NMNAT2: variants seen among roughly 807,000 people sequenced by gnomAD.
The protein encoded by NMNAT2 is nicotinamide/nicotinic acid mononucleotide adenylyltransferase 2.
NMNAT2 carries 11 observed loss-of-function variants against 41.6 expected under a neutral mutation model. That is an observed-to-expected ratio of 0.26 (90% CI 0.17 to 0.44). The LOEUF is 0.44. Ranked by LOEUF, NMNAT2 falls within the 20% of genes least tolerant of loss-of-function variation. The pLI, the probability that NMNAT2 is intolerant of heterozygous loss-of-function variation, is 1.00. For synonymous variants in NMNAT2, 148 were observed against 151.2 expected, an observed-to-expected ratio of 0.98 and a Z score of 0.16; for missense variants, 288 against 407.7, an observed-to-expected ratio of 0.71 and a Z score of 2.53.
chr1:183,273,353 C>A (rs892069971), intron 8 of NMNAT2, among the ~76,000 whole-genome samples: 5 of 152,200 alleles, frequency 3.3e-5, no homozygotes, highest in Non-Finnish European at 7.3e-5. Context: ...GGTCTCCAAG[C>A]AAAGTCTGTG....
chr1:183,311,787 G>GTAAA (rs1237452182), intron 1 of NMNAT2, among the ~76,000 whole-genome samples: 1 of 150,424 alleles, frequency 6.6e-6, no homozygotes, highest in Non-Finnish European at 1.5e-5. Flanking sequence ...TCTGCCCAGT[G>GTAAA]TAAACCATGT....
intron 1 of NMNAT2, among the ~76,000 whole-genome samples, chr1:183,396,714 C>T (rs557968133): frequency 3.3e-5 from 5 of 152,160 alleles, no homozygotes; most frequent in Admixed American, 6.5e-5. Context: ...CACATTTGAT[C>T]TCTCAAGTCA....
chr1:183,365,256 CT>C (rs1205879935), intron 1 of NMNAT2, among the ~76,000 whole-genome samples: 4 of 152,066 alleles, frequency 2.6e-5, no homozygotes, highest in African/African-American at 9.6e-5. Flanking sequence ...GCTTTTCTTT[CT>C]CAGTGGTCGG....
intron 1 of NMNAT2, among the ~76,000 whole-genome samples, chr1:183,303,111 C>T (rs1050777654): frequency 6.6e-6 from 1 of 152,184 alleles, no homozygotes. Context: ...TCTCTAAGCC[C>T]TACTGAAGCC....
At chr1:183,372,248 A>G (rs1663562426) in intron 1 of NMNAT2, among the ~76,000 whole-genome samples, 1 of 152,216 alleles carries the variant, frequency 6.6e-6, no homozygotes, top group Non-Finnish European at 1.5e-5. Flanking sequence ...TTGGCTAGTG[A>G]AAAAAATTAG....
At position 183,253,726 on chromosome 1, in the gene NMNAT2, C is replaced by T. The variant is rs558404055; in HGVS notation, c.822-983G>A. On this transcript the variant is annotated intron_variant, in intron 10 of 10. Coordinates refer to ENST00000287713, the MANE Select transcript of NMNAT2 (RefSeq NM_015039.4). ...CACTTTCAGCCCTCCACACTTGACC[C>T]TGGTAATCATTGTTTTATTCTCTAT... Among the ~76,000 whole-genome samples, 4 of 152,192 alleles carry T rather than the reference C, an allele frequency of 2.6e-5. No individual in the cohort carries two copies. The South Asian group carries it at 8.3e-4, about 32-fold the overall frequency.
intron 1 of NMNAT2, among the ~76,000 whole-genome samples, chr1:183,410,229 A>C (rs1649079757): frequency 6.6e-6 from 1 of 151,798 alleles, no homozygotes; most frequent in Non-Finnish European, 1.5e-5. Context: ...AGGCTGAGGC[A>C]TGAGAATCAC....
chr1:183,393,188 A>G (rs1648530843), intron 1 of NMNAT2, among the ~76,000 whole-genome samples: 1 of 152,218 alleles, frequency 6.6e-6, no homozygotes, highest in Non-Finnish European at 1.5e-5. Context: ...TATCAAGATT[A>G]TATAACTTCA....
intron 1 of NMNAT2, among the ~76,000 whole-genome samples, chr1:183,403,232 C>A (rs574707067): frequency 1.3e-5 from 2 of 152,274 alleles, no homozygotes; most frequent in African/African-American, 4.8e-5. Context: ...CTGCACCCGG[C>A]CAAACAACAT....
chr1:183,284,089 AC>A, intron 6 of NMNAT2, 50 bp from the exon 7 acceptor site: 1 of 1,526,654 alleles, frequency 6.6e-7, no homozygotes. Context: ...GCTTCCTGGT[AC>A]CCAACACACA....
intron 1 of NMNAT2, among the ~76,000 whole-genome samples, chr1:183,376,246 T>G (rs1051795409): frequency 6.6e-6 from 1 of 152,162 alleles, no homozygotes; most frequent in African/African-American, 2.4e-5. Flanking sequence ...GAGAACCTAT[T>G]AAGTGGGTCA....
intron 1 of NMNAT2, among the ~76,000 whole-genome samples, chr1:183,412,303 A>G (rs939267604): frequency 5.3e-5 from 8 of 152,356 alleles, no homozygotes; most frequent in African/African-American, 1.9e-4. Context: ...AGCTCACTGC[A>G]ACCTCCGCCT....
At position 183,313,237 on chromosome 1, in the gene NMNAT2, G is replaced by A. The variant is rs542178728; in HGVS notation, c.86-19444C>T. On this transcript the variant is annotated intron_variant, in intron 1 of 10. Coordinates refer to ENST00000287713, the MANE Select transcript of NMNAT2 (RefSeq NM_015039.4). ...TTAAAATACTTGTGATTTAAAGCAG[G>A]ACAAACCTGAAGAATCCAGCATGCC... Among the ~76,000 whole-genome samples the A allele has an allele frequency of 1.2e-4, 18 of 152,252 alleles. 1 individual carries two copies. The South Asian group carries it at 3.5e-3, about 30-fold the overall frequency.
intron 1 of NMNAT2, among the ~76,000 whole-genome samples, chr1:183,370,223 T>TACACACACACACACACAC (rs57569629): frequency 2.7e-5 from 3 of 112,734 alleles, no homozygotes; most frequent in Non-Finnish European, 3.7e-5. Context: ...TATCAACACA[T>TACACACACACACACACAC]ACACACACAC....
intron 1 of NMNAT2, among the ~76,000 whole-genome samples, chr1:183,362,595 T>C (rs1663329336): frequency 6.6e-6 from 1 of 152,252 alleles, no homozygotes; most frequent in Non-Finnish European, 1.5e-5. Context: ...TTGTAGTATG[T>C]ATCAACACTA....
At chr1:183,277,804 C>A (rs966209555) in intron 8 of NMNAT2, among the ~76,000 whole-genome samples, 1 of 152,044 alleles carries the variant, frequency 6.6e-6, no homozygotes, top group African/African-American at 2.4e-5. Flanking sequence ...AACAAAAAAA[C>A]TGAGGCAGGT....
rs564483696 is a variant in NMNAT2, at chr1:183,269,663, T to C, written c.652-8360A>G. The stretch of plus-strand genomic sequence containing the variant: ...TGCCATGCACAGTACTAGGAGCTTA[T>C]CGCATTTAATCCTTATGACAACTGT... On this transcript the variant is annotated intron_variant, in intron 8 of 10. Coordinates refer to ENST00000287713, the MANE Select transcript of NMNAT2 (RefSeq NM_015039.4). Among the ~76,000 whole-genome samples the C allele has an allele frequency of 1.1e-4, 17 of 152,370 alleles. No individual in the cohort carries two copies. In the South Asian group the frequency reaches 2.5e-3, roughly 22 times the overall value.
intron 8 of NMNAT2, among the ~76,000 whole-genome samples, chr1:183,262,628 C>A (rs1427391296): frequency 6.6e-6 from 1 of 152,122 alleles, no homozygotes; most frequent in East Asian, 1.9e-4. Context: ...TTTATCACAT[C>A]TCTGATTATT....
chr1:183,407,269 G>T (rs1044571358), intron 1 of NMNAT2, among the ~76,000 whole-genome samples: 2 of 152,158 alleles, frequency 1.3e-5, no homozygotes, highest in Admixed American at 6.5e-5. Flanking sequence ...TGACTTGCAG[G>T]TTCCCACTGT....
Sources: allele counts gnomAD v4.1 joint callset (sites outside exome capture counted in the v4.1 genomes callset), GRCh38; gene constraint gnomAD v4.1.1; transcripts MANE v1.5; gene names NCBI Gene and HGNC (gene_info 2026-07-23, HGNC 2026-07-21).